Variants in PERP observed in about 807,000 individuals in gnomAD.
PERP encodes the protein p53 apoptosis effector related to PMP22, also known as p53 apoptosis effector related to PMP-22.
A neutral mutation model predicts 20.3 loss-of-function variants in PERP; 11 were observed. That is an observed-to-expected ratio of 0.54 (90% CI 0.34 to 0.90). PERP has a LOEUF of 0.90. PERP is among the 40% of genes least tolerant of loss of function. The probability of loss-of-function intolerance (pLI) is 0.02; values close to 1 mark genes in which losing one functional copy is unlikely to be tolerated. For synonymous variants in PERP, 101 were observed against 102.0 expected, an observed-to-expected ratio of 0.99 and a Z score of 0.06; for missense variants, 224 against 249.4, an observed-to-expected ratio of 0.90 and a Z score of 0.69.
chr6:138,100,243 T>A (rs1775751833), intron 1 of PERP, among the ~76,000 whole-genome samples: 1 of 152,220 alleles, frequency 6.6e-6, no homozygotes, highest in Non-Finnish European at 1.5e-5. Context: ...ACCTACATTT[T>A]GAAAAGTTAA....
In PERP at chr6:138,090,945, A is replaced by G. The variant is rs1309967201; in HGVS notation, c.*1097T>C. 4 of 152,646 alleles carry G rather than the reference A, an allele frequency of 2.6e-5. No homozygotes were observed. Among genetic ancestry groups the G allele is most frequent in the African/African-American group, 9.6e-5 (4 of 41,462 alleles). The allele number at this position is 152,646 out of a possible 1,614,324, so 9.5% of individuals were successfully genotyped here. ...TAATGACCTATCCGATGCATCATAT[A>G]TATGCTATTCAGAGAAACTCAAATC... is the stretch of plus-strand genomic sequence containing the variant. On this transcript the variant is annotated 3_prime_UTR_variant, in exon 3 of 3. Coordinates refer to ENST00000421351, the MANE Select transcript of PERP (RefSeq NM_022121.5).
Position 138,107,149 on chromosome 6 carries a change from G to GCCCTCCT in PERP, c.185_191dup (p.Cys65GlyfsTer13). On this transcript the variant is annotated frameshift_variant, in exon 1 of 3. Coordinates refer to ENST00000421351, the MANE Select transcript of PERP (RefSeq NM_022121.5). LOFTEE classifies it high-confidence loss of function. The surrounding 1 kb of genome is among the most constrained non-coding windows in gnomAD (Gnocchi z 4.8). ...CACCGTACTCCATGAGGCTCTGACA[G>GCCCTCCT]CCCTCCTCGTAGGACCCGCTGCCGC... 1 of 1,610,146 alleles carries GCCCTCCT rather than the reference G, an allele frequency of 6.2e-7. No individual in the cohort carries two copies. The highest frequency in any genetic ancestry group is 1.1e-5 in the South Asian group (1 of 90,926).
chr6:138,103,468 C>T (rs953241296), intron 1 of PERP, among the ~76,000 whole-genome samples: 4 of 152,042 alleles, frequency 2.6e-5, no homozygotes, highest in African/African-American at 4.8e-5. Context: ...AGTTTAATAC[C>T]TTTCCCTACC....
chr6:138,094,615 A>G (rs680248), intron 2 of PERP, among the ~76,000 whole-genome samples: 97,021 of 152,006 alleles, frequency 0.64, 31,792 homozygotes, highest in East Asian at 0.94. Flanking sequence ...AGTATCTTCA[A>G]GTTCTTGTTT....
At chr6:138,103,098 C>A (rs1446361394) in intron 1 of PERP, among the ~76,000 whole-genome samples, 10 of 147,038 alleles carry the variant, frequency 6.8e-5, no homozygotes, top group East Asian at 2.1e-4. Context: ...GACTCCGTCT[C>A]AAAAAAAAAA....
At chr6:138,093,552 CT>C (rs1775623117) in intron 2 of PERP, among the ~76,000 whole-genome samples, 1 of 152,132 alleles carries the variant, frequency 6.6e-6, no homozygotes, top group Admixed American at 6.5e-5. Context: ...CAATCTCTTA[CT>C]ATTTAAGTTT....
At position 138,088,968 on chromosome 6, in the gene PERP, C is replaced by T. The variant is rs943440760; in HGVS notation, c.*3074G>A. The T allele has an allele frequency of 2.0e-5, 3 of 152,178 alleles. No individual in the cohort carries two copies. The highest frequency in any genetic ancestry group is 3.2e-3 in the Middle Eastern group (1 of 316). The allele number at this position is 152,178 out of a possible 1,614,324, so 9.4% of individuals were successfully genotyped here. On this transcript the variant is annotated 3_prime_UTR_variant, in exon 3 of 3. Transcript: ENST00000421351. ...AGAGGAAGTTGGGACTGAATCTATTCGTTCCAACCTCCCTAAGCAATCCAC... is the reference window on the plus strand; with the variant it reads ...AGAGGAAGTTGGGACTGAATCTATTTGTTCCAACCTCCCTAAGCAATCCAC...
intron 1 of PERP, among the ~76,000 whole-genome samples, chr6:138,103,262 A>C (rs1449051432): frequency 1.3e-5 from 2 of 151,498 alleles, no homozygotes; most frequent in African/African-American, 4.8e-5. Context: ...CAATTCTCCT[A>C]CCTCAGCCTC....
Position 138,107,175 on chromosome 6 carries a change from C to G in PERP, c.166G>C (p.Gly56Arg). ...CCCTCCTCGTAGGACCCGCTGCCGCCGCCCTCTTGGGAGCATTTCCACCAC... is the reference window on the plus strand; with the variant it reads ...CCCTCCTCGTAGGACCCGCTGCCGCGGCCCTCTTGGGAGCATTTCCACCAC... ...SLWWKCSQEG[G>R]GSGSYEEGCQ... Residue 56 changes from glycine (G) to arginine (R), a missense_variant, in exon 1 of 3, where the codon GGC becomes CGC. Coordinates refer to ENST00000421351, the MANE Select transcript of PERP (RefSeq NM_022121.5). The surrounding 1 kb of genome is among the most constrained non-coding windows in gnomAD (Gnocchi z 4.8). 5 of 1,611,666 alleles carry G rather than the reference C, an allele frequency of 3.1e-6. No homozygotes were observed. Among genetic ancestry groups the G allele is most frequent in the Non-Finnish European group, 4.2e-6 (5 of 1,179,340 alleles).
intron 2 of PERP, among the ~76,000 whole-genome samples, chr6:138,095,060 A>G (rs1270684739): frequency 6.6e-6 from 1 of 152,150 alleles, no homozygotes; most frequent in African/African-American, 2.4e-5. Context: ...ACTGGCATCT[A>G]TGGAGTTTTC....
intron 2 of PERP, among the ~76,000 whole-genome samples, chr6:138,093,248 A>G (rs1035320054): frequency 1.3e-5 from 2 of 152,200 alleles, no homozygotes; most frequent in Admixed American, 6.5e-5. Flanking sequence ...TACTCTCCAC[A>G]AGGAGGGACC....
At chr6:138,098,010 T>C (rs1300430342) in intron 1 of PERP, among the ~76,000 whole-genome samples, 1 of 152,230 alleles carries the variant, frequency 6.6e-6, no homozygotes, top group Non-Finnish European at 1.5e-5. Flanking sequence ...TATGTGGCCT[T>C]TTGTGACTGG....
At chr6:138,097,944 C>T (rs1178641967) in intron 1 of PERP, among the ~76,000 whole-genome samples, 1 of 152,164 alleles carries the variant, frequency 6.6e-6, no homozygotes, top group Non-Finnish European at 1.5e-5. Flanking sequence ...AATCTACTTT[C>T]TGTCTCTATA....
At chr6:138,102,335 T>C (rs1397344289) in intron 1 of PERP, among the ~76,000 whole-genome samples, 1 of 152,210 alleles carries the variant, frequency 6.6e-6, no homozygotes, top group African/African-American at 2.4e-5. Context: ...GGGTCTACCC[T>C]CAAATATTTG....
Position 138,107,402 on chromosome 6 carries a change from C to G in PERP, c.-62G>C. ...GAGCGGGTCGGAGGAGCGCGCGGGA[C>G]GGGCGACAGCAGAGAGTGGCCTGCG... On this transcript the variant is annotated 5_prime_UTR_variant, in exon 1 of 3. Coordinates refer to ENST00000421351, the MANE Select transcript of PERP (RefSeq NM_022121.5). The surrounding 1 kb of genome is among the most constrained non-coding windows in gnomAD (Gnocchi z 4.8). The G allele has an allele frequency of 7.5e-7, 1 of 1,338,404 alleles. No homozygotes were observed. The allele number at this position is 1,338,404 out of a possible 1,614,324, so 82.9% of individuals were successfully genotyped here.
intron 1 of PERP, among the ~76,000 whole-genome samples, chr6:138,106,498 C>A (rs1390042043): frequency 6.6e-6 from 1 of 152,164 alleles, no homozygotes; most frequent in Non-Finnish European, 1.5e-5. Flanking sequence ...GATTTCAAAT[C>A]GGATTAAAAT....
intron 1 of PERP, among the ~76,000 whole-genome samples, chr6:138,104,853 A>G (rs1343990742): frequency 6.6e-6 from 1 of 152,006 alleles, no homozygotes; most frequent in Non-Finnish European, 1.5e-5. Context: ...TCATGTAAAT[A>G]TATGGTTTTC....
rs1175521663 is a variant in PERP, at chr6:138,090,796, C to T, written c.*1246G>A. On this transcript the variant is annotated 3_prime_UTR_variant, in exon 3 of 3. Transcript: ENST00000421351. ...CAAACTGGAAACAAGTTTAGAATAC[C>T]TGGTTTATTGGGAAAACTTCATAAT... 5 of 152,276 alleles carry T rather than the reference C, an allele frequency of 3.3e-5. No homozygotes were observed. Among genetic ancestry groups the T allele is most frequent in the African/African-American group, 1.2e-4 (5 of 41,308 alleles). The allele number at this position is 152,276 out of a possible 1,614,324, so 9.4% of individuals were successfully genotyped here. A position where few individuals can be genotyped will look rare whatever the true frequency, so the allele number is the denominator to read the frequency against.
intron 1 of PERP, among the ~76,000 whole-genome samples, chr6:138,098,837 G>A (rs767896725): frequency 5.3e-5 from 8 of 152,084 alleles, no homozygotes; most frequent in South Asian, 2.1e-4. Context: ...AGTTTTATAC[G>A]GACAATTTTT....
Sources: allele counts gnomAD v4.1 joint callset (sites outside exome capture counted in the v4.1 genomes callset), GRCh38; gene constraint gnomAD v4.1.1; non-coding constraint Gnocchi (gnomAD v3.1); transcripts MANE v1.5; gene names NCBI Gene and HGNC (gene_info 2026-07-23, HGNC 2026-07-21).